MTA3: variants seen among roughly 807,000 people sequenced by gnomAD.
MTA3 encodes metastasis associated 1 family member 3.
Under a neutral mutation model 83.5 loss-of-function variants are expected in MTA3, and 34 were observed. The observed-to-expected ratio is 0.41, with a 90% CI of 0.31 to 0.54. The LOEUF (loss-of-function observed/expected upper bound fraction) is 0.54. MTA3 is among the 20% of genes least tolerant of loss of function. The pLI, the probability that MTA3 is intolerant of heterozygous loss-of-function variation, is 0.33. For missense variants in MTA3, 761 were observed against 726.4 expected, an observed-to-expected ratio of 1.05 and a Z score of -0.55; for synonymous variants, 303 against 252.7, an observed-to-expected ratio of 1.20 and a Z score of -1.89.
chr2:42,631,151 CA>C (rs1686633210), intron 4 of MTA3, among the ~76,000 whole-genome samples: 1 of 151,974 alleles, frequency 6.6e-6, no homozygotes, highest in Non-Finnish European at 1.5e-5. Flanking sequence ...TTGAATTAGC[CA>C]AAAGGGTACT....
upstream of MTA3, among the ~76,000 whole-genome samples, chr2:42,563,990 A>G (rs912849140): frequency 8.6e-5 from 13 of 151,662 alleles, no homozygotes; most frequent in African/African-American, 3.2e-4. Flanking sequence ...CGCCCAGTTA[A>G]TTTTTTGTAT....
At chr2:42,736,421 A>G (rs1337940887) in intron 16 of MTA3, among the ~76,000 whole-genome samples, 1 of 152,146 alleles carries the variant, frequency 6.6e-6, no homozygotes, top group African/African-American at 2.4e-5. Flanking sequence ...CCCAAGGCCT[A>G]TGATGATCAC....
chr2:42,552,827 G>A (rs1322914078), intron 2 of MTA3, among the ~76,000 whole-genome samples: 1 of 151,950 alleles, frequency 6.6e-6, no homozygotes, highest in Non-Finnish European at 1.5e-5. Context: ...GCACATGCCT[G>A]TAGTCCCAGC....
At chr2:42,729,242 G>T (rs1268825234) in intron 16 of MTA3, among the ~76,000 whole-genome samples, 1 of 151,082 alleles carries the variant, frequency 6.6e-6, no homozygotes, top group East Asian at 1.9e-4. Flanking sequence ...GACTACAGGC[G>T]CCCACCACCA....
intron 2 of MTA3, among the ~76,000 whole-genome samples, chr2:42,556,883 G>T (rs1049608988): frequency 2.0e-5 from 3 of 152,138 alleles, no homozygotes; most frequent in African/African-American, 7.2e-5. Flanking sequence ...CTTAGGCTCT[G>T]TGTGAGTATA....
At chr2:42,591,542 C>T (rs1306475170) in intron 3 of MTA3, among the ~76,000 whole-genome samples, 1 of 152,166 alleles carries the variant, frequency 6.6e-6, no homozygotes, top group African/African-American at 2.4e-5. Context: ...CTTTTTGACT[C>T]TTGTAATAAC....
In MTA3 at chr2:42,609,681, C is replaced by T. The variant is rs986520860; in HGVS notation, c.317+97C>T. On this transcript the variant is annotated intron_variant, in intron 4 of 16. Transcript: ENST00000405094. ...TTTCCAGACTCTTCTCAGGATCTTG[C>T]TTAAACTACTTTGCTAAAGGCTTCA... 5.2e-6 allele frequency: 7 copies of T among 1,338,700 alleles called. No individual in the cohort carries two copies. In the Admixed American group the frequency reaches 1.4e-4, roughly 26 times the overall value. The allele number at this position is 1,338,700 out of a possible 1,614,324, so 82.9% of individuals were successfully genotyped here. A position where few individuals can be genotyped will look rare whatever the true frequency, so the allele number is the denominator to read the frequency against.
At position 42,708,925 on chromosome 2, in the gene MTA3, G is replaced by A; in HGVS notation, c.1354G>A (p.Val452Ile). Residue 452 changes from valine (V) to isoleucine (I), a missense_variant, in exon 14 of 17, where the codon GTC (valine) becomes ATC (isoleucine). Val to Ile is a conservative substitution (Grantham distance 29). Coordinates refer to ENST00000405094, the MANE Select transcript of MTA3 (RefSeq NM_001330442.2). ...CCGCCAGGCCATGCAGGGAATGCCA[G>A]TCCGAAACACTGGGAGTCCAAAGTC... is the stretch of plus-strand genomic sequence containing the variant. Reference protein sequence around the residue: ...VSRQAMQGMPVRNTGSPKSAV... With the variant: ...VSRQAMQGMPIRNTGSPKSAV... 2 of 1,614,042 alleles carry A rather than the reference G, an allele frequency of 1.2e-6. No homozygotes were observed. Among genetic ancestry groups the A allele is most frequent in the Non-Finnish European group, 1.7e-6 (2 of 1,179,900 alleles).
chr2:42,625,746 CAAAA>C (rs58956321), intron 4 of MTA3, among the ~76,000 whole-genome samples: 1 of 51,222 alleles, frequency 2.0e-5, no homozygotes, highest in Admixed American at 2.2e-4. Context: ...GACTCCATCT[CAAAA>C]AAAAAAAAAA....
intron 9 of MTA3, among the ~76,000 whole-genome samples, chr2:42,683,287 A>G (rs1465245230): frequency 2.6e-5 from 4 of 152,138 alleles, no homozygotes; most frequent in Admixed American, 1.3e-4. Flanking sequence ...TTGTCTTACT[A>G]ATTGTTGAGC....
intron 2 of MTA3, among the ~76,000 whole-genome samples, chr2:42,519,330 G>C (rs1372114878): frequency 2.0e-5 from 3 of 151,422 alleles, no homozygotes; most frequent in Admixed American, 1.3e-4. Context: ...AAAGAGCCAG[G>C]CGCAGTGGCT....
chr2:42,506,885 G>A (rs187202242), intron 2 of MTA3, among the ~76,000 whole-genome samples: 170 of 152,126 alleles, frequency 1.1e-3, no homozygotes, highest in South Asian at 4.8e-3. Context: ...GGGATTACAG[G>A]TGTGAGCCAC....
At chr2:42,648,864 A>G (rs1214319833) in intron 6 of MTA3, among the ~76,000 whole-genome samples, 1 of 152,232 alleles carries the variant, frequency 6.6e-6, no homozygotes, top group African/African-American at 2.4e-5. Context: ...TTAAACGAAA[A>G]TGACTCTAGG....
intron 16 of MTA3, among the ~76,000 whole-genome samples, chr2:42,752,828 C>T (rs1323709294): frequency 6.6e-6 from 1 of 152,196 alleles, no homozygotes; most frequent in Non-Finnish European, 1.5e-5. Context: ...CTATTCAAAA[C>T]CCAGCTTTTA....
At chr2:42,701,096 T>G (rs1258910060) in intron 11 of MTA3, among the ~76,000 whole-genome samples, 1 of 151,968 alleles carries the variant, frequency 6.6e-6, no homozygotes. Context: ...AGACCCTGTC[T>G]CTAAAAAAAT....
At chr2:42,555,374 G>A (rs1677328964) in intron 2 of MTA3, among the ~76,000 whole-genome samples, 1 of 139,990 alleles carries the variant, frequency 7.1e-6, no homozygotes, top group South Asian at 2.4e-4. Context: ...AGAATTGCTT[G>A]AACCCAGGAG....
intron 3 of MTA3, among the ~76,000 whole-genome samples, chr2:42,601,381 C>T (rs1337133950): frequency 6.6e-6 from 1 of 152,152 alleles, no homozygotes; most frequent in African/African-American, 2.4e-5. Flanking sequence ...TGTAGTCTAT[C>T]CAATACGCTA....
upstream of MTA3, among the ~76,000 whole-genome samples, chr2:42,565,720 C>T (rs1183737323): frequency 6.6e-6 from 1 of 151,900 alleles, no homozygotes; most frequent in Admixed American, 6.6e-5. Context: ...TTAAATTTTA[C>T]CAGGCTGGGC....
At chr2:42,519,725 A>G (rs1258193853) in intron 2 of MTA3, among the ~76,000 whole-genome samples, 2 of 152,086 alleles carry the variant, frequency 1.3e-5, no homozygotes, top group South Asian at 2.1e-4. Flanking sequence ...ACATAACGAT[A>G]CCTTCATCTG....
Sources: allele counts gnomAD v4.1 joint callset (sites outside exome capture counted in the v4.1 genomes callset), GRCh38; gene constraint gnomAD v4.1.1; transcripts MANE v1.5; gene names NCBI Gene and HGNC (gene_info 2026-07-23, HGNC 2026-07-21).